The following SYT16 variants were observed in gnomAD, a reference collection of about 807,000 sequenced individuals.
SYT16 encodes the protein synaptotagmin 16.
In SYT16, 42 loss-of-function variants were observed where a neutral mutation model predicts 61.4. The ratio of observed to expected loss-of-function variants is 0.68; its 90% CI spans 0.53 to 0.89. The LOEUF (loss-of-function observed/expected upper bound fraction) is 0.89, where lower values mean the gene tolerates loss of function less well. Among genes scored for constraint, SYT16 ranks in the 40% least tolerant of loss-of-function variants. SYT16 has a pLI of 0.00. For synonymous variants in SYT16, 314 were observed against 302.3 expected (o/e 1.04, Z -0.40); for missense variants, 804 against 807.3 (o/e 1.00, Z 0.05).
intron 3 of SYT16, among the ~76,000 whole-genome samples, chr14:62,069,331 A>G (rs1207352239): frequency 6.6e-6 from 1 of 152,204 alleles, no homozygotes. Context: ...CTGGCTCAAC[A>G]TGAGGGTTCA....
At chr14:61,977,193 C>T (rs1274726880) in intron 2 of SYT16, among the ~76,000 whole-genome samples, 2 of 152,200 alleles carry the variant, frequency 1.3e-5, no homozygotes, top group East Asian at 3.9e-4. Flanking sequence ...CTCACATCTT[C>T]CTGTCTTCTT....
At chr14:62,039,171 C>G (rs1435202835) in intron 3 of SYT16, among the ~76,000 whole-genome samples, 1 of 152,150 alleles carries the variant, frequency 6.6e-6, no homozygotes, top group Non-Finnish European at 1.5e-5. Context: ...AAGTTTTGAT[C>G]TAGTTTAGTT....
At chr14:62,036,544 A>C (rs935546211) in intron 3 of SYT16, among the ~76,000 whole-genome samples, 1 of 152,186 alleles carries the variant, frequency 6.6e-6, no homozygotes, top group African/African-American at 2.4e-5. Flanking sequence ...AGACATACCC[A>C]AAACTGCCTA....
At chr14:62,020,124 A>G (rs1440515629) in intron 3 of SYT16, among the ~76,000 whole-genome samples, 5 of 152,176 alleles carry the variant, frequency 3.3e-5, no homozygotes, top group Admixed American at 1.3e-4. Flanking sequence ...TTTGCCTGAC[A>G]GTCTTGATGG....
In SYT16 at chr14:61,954,228, A is replaced by G. The variant is rs1651340987; in HGVS notation, c.-324-15904A>G. Among the ~76,000 whole-genome samples the G allele has an allele frequency of 2.0e-5, 3 of 149,780 alleles. 1 individual carries two copies. The South Asian group carries it at 6.3e-4, about 32-fold the overall frequency. ...TCAGTTATCTGGTTCCCTCCTTACT[A>G]TTTTGTTAAATAAACTTTCAGCTTC... On this transcript the variant is annotated intron_variant, in intron 1 of 7. Coordinates refer to ENST00000683842, the MANE Select transcript of SYT16 (RefSeq NM_001367656.1).
At chr14:62,039,873 ACACACG>A (rs765675615) in intron 3 of SYT16, among the ~76,000 whole-genome samples, 6,872 of 110,164 alleles carry the variant, frequency 0.062, 179 homozygotes, top group Non-Finnish European at 0.091. Context: ...ACACACACAC[ACACACG>A]CACATACACA....
chr14:61,954,308 CT>C (rs35213867), intron 1 of SYT16, among the ~76,000 whole-genome samples: 11,950 of 137,990 alleles, frequency 0.087, 714 homozygotes, highest in African/African-American at 0.19. Context: ...ATTGGTTAGC[CT>C]TTTTTTTTTT....
chr14:62,046,326 T>A (rs1434187754), intron 3 of SYT16, among the ~76,000 whole-genome samples: 16 of 152,220 alleles, frequency 1.1e-4, no homozygotes, highest in Admixed American at 1.0e-3. Flanking sequence ...TAAATTTGTT[T>A]GAGTTCATTG....
At chr14:61,817,080 A>G (rs1286781270) in intron 1 of SYT16, among the ~76,000 whole-genome samples, 1 of 151,764 alleles carries the variant, frequency 6.6e-6, no homozygotes, top group African/African-American at 2.4e-5. Flanking sequence ...ATGGGGGGAA[A>G]ACCTGGAGTA....
chr14:62,051,054 G>C (rs1202502811), intron 3 of SYT16, among the ~76,000 whole-genome samples: 2 of 152,254 alleles, frequency 1.3e-5, no homozygotes, highest in African/African-American at 4.8e-5. Flanking sequence ...GTTTGGCTAT[G>C]CCTTGCCCCC....
At position 61,914,038 on chromosome 14, in the gene SYT16, C is replaced by G. The variant is rs542629830; in HGVS notation, c.-324-56094C>G. 1.2e-3 allele frequency among the ~76,000 whole-genome samples: 181 copies of G among 152,242 alleles called. 1 individual carries two copies. The highest frequency in any genetic ancestry group is 1.9e-3 in the Non-Finnish European group (126 of 68,016). On this transcript the variant is annotated intron_variant, in intron 1 of 7. Transcript: ENST00000683842. The stretch of plus-strand genomic sequence containing the variant: ...AATTACTGGGGTTTCTCAGGATAGC[C>G]TCTCCTATTTTTCCTATTCTGTGAG...
chr14:61,982,847 A>G (rs1264414246), intron 2 of SYT16, among the ~76,000 whole-genome samples: 3 of 152,188 alleles, frequency 2.0e-5, no homozygotes, highest in Non-Finnish European at 4.4e-5. Flanking sequence ...ATCATTAACA[A>G]CAGCTCTTCT....
chr14:62,002,575 A>G (rs2053063647), intron 3 of SYT16, among the ~76,000 whole-genome samples: 1 of 151,956 alleles, frequency 6.6e-6, no homozygotes, highest in African/African-American at 2.4e-5. Context: ...CTGTGTTCCT[A>G]TGTCTTGAGG....
chr14:62,092,173 A>AACACACAC (rs56324432), intron 7 of SYT16, among the ~76,000 whole-genome samples: 4,346 of 131,166 alleles, frequency 0.033, 124 homozygotes, highest in Admixed American at 0.046. Context: ...TGGCTACTAT[A>AACACACAC]ACACACACAC....
chr14:61,813,386 G>A (rs982730561), intron 1 of SYT16, among the ~76,000 whole-genome samples: 1 of 152,224 alleles, frequency 6.6e-6, no homozygotes, highest in African/African-American at 2.4e-5. Flanking sequence ...GAAGGCGCTG[G>A]GTTGGCCTGC....
rs142988076 is a variant in SYT16 at position 62,105,625 on chromosome 14, G to A, written c.*4918G>A. On this transcript the variant is annotated 3_prime_UTR_variant, in exon 8 of 8. Coordinates refer to ENST00000683842, the MANE Select transcript of SYT16 (RefSeq NM_001367656.1). The stretch of plus-strand genomic sequence containing the variant: ...AAGAGTGGCTTGTTGATATAATAGC[G>A]CATCCACTTGTTCTCAAGTGATTCA... 12 of 152,260 alleles carry A rather than the reference G, an allele frequency of 7.9e-5. No individual in the cohort carries two copies. In the East Asian group the frequency reaches 9.7e-4, roughly 12 times the overall value. 9.4% of individuals were successfully genotyped at this position (152,260 alleles called of 1,614,324 possible). A position where few individuals can be genotyped will look rare whatever the true frequency, so the allele number is the denominator to read the frequency against.
chr14:61,812,326 T>G (rs1057133864), upstream of SYT16: 1 of 152,286 alleles, frequency 6.6e-6, no homozygotes, highest in Non-Finnish European at 1.5e-5. Context: ...ACCCCGCTGG[T>G]GAGAAGCTCG....
intron 1 of SYT16, among the ~76,000 whole-genome samples, chr14:61,880,719 C>T (rs2047671427): frequency 6.6e-6 from 1 of 151,540 alleles, no homozygotes; most frequent in Non-Finnish European, 1.5e-5. Flanking sequence ...GTTTTTGTTT[C>T]TATTGTAAAT....
intron 1 of SYT16, among the ~76,000 whole-genome samples, chr14:61,880,623 T>C (rs1051914966): frequency 6.6e-5 from 10 of 152,222 alleles, no homozygotes; most frequent in African/African-American, 2.4e-4. Flanking sequence ...ATTTAGTTTT[T>C]CCTTAATATC....
Sources: gnomAD v4.1 joint callset for allele counts (sites outside exome capture counted in the v4.1 genomes callset) on GRCh38, gnomAD v4.1.1 for gene constraint, MANE v1.5 for transcripts, NCBI Gene and HGNC (gene_info 2026-07-23, HGNC 2026-07-21) for gene names.